Variants in JMY observed in about 807,000 individuals in gnomAD.
JMY encodes junction-mediating and -regulatory protein.
In JMY, 46 loss-of-function variants were observed where a neutral mutation model predicts 103.3. The observed-to-expected ratio is 0.45, with a 90% CI of 0.35 to 0.57. The LOEUF (loss-of-function observed/expected upper bound fraction) is 0.57, where lower values mean the gene tolerates loss of function less well. Among genes scored for constraint, JMY ranks in the 20% least tolerant of loss-of-function variants. The probability of loss-of-function intolerance (pLI) is 0.00; values close to 1 mark genes in which losing one functional copy is unlikely to be tolerated. For synonymous variants in JMY, 526 were observed against 489.3 expected (o/e 1.07, Z -0.99); for missense variants, 1,238 against 1,255.2 (o/e 0.99, Z 0.21).
intron 7 of JMY, among the ~76,000 whole-genome samples, chr5:79,307,790 G>C (rs890786580): frequency 6.6e-6 from 1 of 152,156 alleles, no homozygotes; most frequent in Non-Finnish European, 1.5e-5. Flanking sequence ...CAAGGCTGGA[G>C]TGCAGTGGCG....
chr5:79,309,265 ATGTTACC>A (rs1463740002), intron 7 of JMY, among the ~76,000 whole-genome samples: 11 of 152,110 alleles, frequency 7.2e-5, no homozygotes, highest in Non-Finnish European at 1.2e-4. Flanking sequence ...AGTAAGTGTG[ATGTTACC>A]TGTAGGTTTT....
At chr5:79,273,638 T>C (rs1745848766) in intron 1 of JMY, among the ~76,000 whole-genome samples, 1 of 152,218 alleles carries the variant, frequency 6.6e-6, no homozygotes, top group African/African-American at 2.4e-5. Flanking sequence ...GTTCAATATA[T>C]GTTAAGACCT....
chr5:79,319,353 T>C (rs1243661214), intron 10 of JMY, among the ~76,000 whole-genome samples: 2 of 152,134 alleles, frequency 1.3e-5, no homozygotes, highest in African/African-American at 4.8e-5. Flanking sequence ...TTAGAAAATA[T>C]ATGAGCTTGG....
At chr5:79,281,865 A>C (rs752433698) in intron 2 of JMY, among the ~76,000 whole-genome samples, 2 of 152,330 alleles carry the variant, frequency 1.3e-5, no homozygotes, top group South Asian at 2.1e-4. Flanking sequence ...AAATATGCTG[A>C]GGAAAAGACA....
At chr5:79,319,688 C>T (rs1356800123) in intron 10 of JMY, among the ~76,000 whole-genome samples, 1 of 151,856 alleles carries the variant, frequency 6.6e-6, no homozygotes, top group Non-Finnish European at 1.5e-5. Flanking sequence ...TCAAGAGATT[C>T]TCCTGCCTCA....
chr5:79,268,193 C>T (rs920464586), intron 1 of JMY, among the ~76,000 whole-genome samples: 2 of 152,082 alleles, frequency 1.3e-5, no homozygotes, highest in African/African-American at 2.4e-5. Flanking sequence ...CAGGGAGTTA[C>T]GAATGTGCCA....
At chr5:79,278,696 A>T (rs1013808487) in intron 2 of JMY, among the ~76,000 whole-genome samples, 1 of 150,030 alleles carries the variant, frequency 6.7e-6, no homozygotes, top group South Asian at 2.1e-4. Flanking sequence ...GCTTGAACCC[A>T]GGAGGTCATG....
In JMY at chr5:79,237,217, C is replaced by G. The variant is rs1350414847; in HGVS notation, c.567C>G (p.Val189=). 1 of 1,550,552 alleles carries G rather than the reference C, an allele frequency of 6.4e-7. No homozygotes were observed. Among genetic ancestry groups the G allele is most frequent in the Admixed American group, 2.0e-5 (1 of 51,018 alleles). ...SVRIVSASGT[V]SEEIEVLEMV... is the part of the protein sequence containing the mutation. Reference sequence around the variant, plus strand: ...GGATAGTGAGCGCCTCTGGGACGGTCTCCGAGGAGATAGAGGTGCTGGAAA... The same window carrying G: ...GGATAGTGAGCGCCTCTGGGACGGTGTCCGAGGAGATAGAGGTGCTGGAAA... Residue 189 remains valine (V), a synonymous_variant, in exon 1 of 11, where the codon GTC becomes GTG. Transcript: ENST00000396137.
At chr5:79,276,099 C>A (rs1745928306) in intron 1 of JMY, among the ~76,000 whole-genome samples, 1 of 152,062 alleles carries the variant, frequency 6.6e-6, no homozygotes, top group South Asian at 2.1e-4. Context: ...TGTATTAGTT[C>A]TTTTCATTTG....
Position 79,290,165 on chromosome 5 carries a change from T to G in JMY, c.1251T>G (p.Ser417Arg). The change falls in exon 3 of 11, where the codon AGT becomes AGG. Residue 417 changes from serine (S) to arginine (R), a missense_variant. Coordinates refer to ENST00000396137, the MANE Select transcript of JMY (RefSeq NM_152405.5). ...NDYLGPRRIE[S>R]LQKEDADWQR... ...ATCTGGGACCTCGAAGAATTGAGAGTCTACAAAAAGAAGATGCTGATTGGC... is the reference window on the plus strand; with the variant it reads ...ATCTGGGACCTCGAAGAATTGAGAGGCTACAAAAAGAAGATGCTGATTGGC... 6.3e-7 allele frequency: 1 copy of G among 1,595,918 alleles called. No homozygotes were observed. Among genetic ancestry groups the G allele is most frequent in the Non-Finnish European group, 8.5e-7 (1 of 1,170,136 alleles).
Position 79,254,112 on chromosome 5 carries a change from A to ATT in JMY, c.1032+16443_1032+16444dup, listed in dbSNP as rs35066606. Among the ~76,000 whole-genome samples, 422 of 140,262 alleles carry ATT rather than the reference A, an allele frequency of 3.0e-3. 2 individuals carry two copies. The highest frequency in any genetic ancestry group is 7.1e-3 in the Middle Eastern group (2 of 282). 92.0% of individuals were successfully genotyped at this position (140,262 alleles called of 152,430 possible). A position where few individuals can be genotyped will look rare whatever the true frequency, so the allele number is the denominator to read the frequency against. On this transcript the variant is annotated intron_variant, in intron 1 of 10. Coordinates refer to ENST00000396137, the MANE Select transcript of JMY (RefSeq NM_152405.5). ...CAGGTGCCCACCACCACGCCCAGCT[A>ATT]TTTTTTTTTTTTTTGTATTTTTAGT...
chr5:79,274,163 C>A (rs1224440146), intron 1 of JMY, among the ~76,000 whole-genome samples: 1 of 151,956 alleles, frequency 6.6e-6, no homozygotes, highest in East Asian at 1.9e-4. Context: ...GATAATTTAT[C>A]TTTATCTTCA....
At chr5:79,277,847 A>G (rs908189186) in intron 1 of JMY, 63 bp from the exon 2 acceptor site, 28 of 1,480,470 alleles carry the variant, frequency 1.9e-5, no homozygotes, top group Middle Eastern at 3.6e-4. Flanking sequence ...GGAGAGTTCA[A>G]AGCAAGTATT....
At chr5:79,281,178 G>A (rs1746097093) in intron 2 of JMY, among the ~76,000 whole-genome samples, 3 of 151,490 alleles carry the variant, frequency 2.0e-5, no homozygotes, top group Admixed American at 6.6e-5. Flanking sequence ...CCGAGTAGCT[G>A]GGACTACAGG....
intron 7 of JMY, among the ~76,000 whole-genome samples, chr5:79,307,673 C>T (rs1746927725): frequency 1.3e-5 from 2 of 152,184 alleles, no homozygotes; most frequent in African/African-American, 2.4e-5. Flanking sequence ...ATACAGAGAG[C>T]GAAAGAGCGC....
At chr5:79,272,008 A>G (rs1211345736) in intron 1 of JMY, among the ~76,000 whole-genome samples, 1 of 151,602 alleles carries the variant, frequency 6.6e-6, no homozygotes, top group African/African-American at 2.4e-5. Flanking sequence ...GCTACTTGGG[A>G]GGCTGAGGCA....
At chr5:79,287,130 G>A (rs1056146324) in intron 2 of JMY, among the ~76,000 whole-genome samples, 6 of 152,084 alleles carry the variant, frequency 3.9e-5, no homozygotes, top group Non-Finnish European at 1.5e-5. Context: ...TGAGCCTAGG[G>A]TTGAAAAAAC....
rs1470169635 is a variant in JMY, at chr5:79,316,223, T to C, written c.2883T>C (p.His961=). Residue 961 remains histidine, a synonymous_variant, in exon 10 of 11, where the codon CAT becomes CAC. Transcript: ENST00000396137. Reference sequence around the variant, plus strand: ...CAGACCCTCTAACACGGAGCATCCATGAAGCTCTTAGAAGAATTAAAGAAG... The same window carrying C: ...CAGACCCTCTAACACGGAGCATCCACGAAGCTCTTAGAAGAATTAAAGAAG... ...PDTDPLTRSI[H]EALRRIKEAS... The C allele has an allele frequency of 6.2e-7, 1 of 1,613,688 alleles. No individual in the cohort carries two copies. The highest frequency in any genetic ancestry group is 2.2e-5 in the East Asian group (1 of 44,888).
chr5:79,273,490 T>A (rs375477031), intron 1 of JMY, among the ~76,000 whole-genome samples: 16 of 152,364 alleles, frequency 1.1e-4, no homozygotes, highest in African/African-American at 3.8e-4. Context: ...ATGATAAACC[T>A]ACTTGTGGGT....
Sources: allele counts gnomAD v4.1 joint callset (sites outside exome capture counted in the v4.1 genomes callset), GRCh38; gene constraint gnomAD v4.1.1; transcripts MANE v1.5; gene names NCBI Gene and HGNC (gene_info 2026-07-23, HGNC 2026-07-21).